The following PLXNA2 variants were observed in gnomAD, a reference collection of about 807,000 sequenced individuals.
PLXNA2 encodes the protein plexin A2.
A neutral mutation model predicts 193.5 loss-of-function variants in PLXNA2; 91 were observed. The ratio of observed to expected loss-of-function variants is 0.47; its 90% CI spans 0.40 to 0.56. PLXNA2 has a LOEUF of 0.56. Ranked by LOEUF, PLXNA2 falls within the 20% of genes least tolerant of loss-of-function variation. PLXNA2 has a pLI of 0.00. For synonymous variants in PLXNA2, 997 were observed against 1,027.3 expected (o/e 0.97, Z 0.56); for missense variants, 1,995 against 2,503.2 (o/e 0.80, Z 4.33).
chr1:208,199,321 T>C (rs528271851), intron 3 of PLXNA2, among the ~76,000 whole-genome samples: 67 of 152,314 alleles, frequency 4.4e-4, no homozygotes, highest in African/African-American at 1.5e-3. Flanking sequence ...AAAAAATCCC[T>C]AGATCAATTT....
Position 208,044,476 on chromosome 1 carries a change from G to C in PLXNA2, c.3874+32C>G. On this transcript the variant is annotated intron_variant, in intron 20 of 31. Transcript: ENST00000367033. This position sits in a 1 kb window ranked among gnomAD's most constrained non-coding sequence, Gnocchi z 4.9. ...GCAATAAGGCAGGTGGAGAAAGAGG[G>C]ACCCAGCAAATGAGGGTGTGCTTCC... is the stretch of plus-strand genomic sequence containing the variant. The C allele has an allele frequency of 6.8e-7, 1 of 1,480,876 alleles. No individual in the cohort carries two copies. The highest frequency in any genetic ancestry group is 9.4e-7 in the Non-Finnish European group (1 of 1,059,162). The allele number at this position is 1,480,876 out of a possible 1,614,324, so 91.7% of individuals were successfully genotyped here. A position where few individuals can be genotyped will look rare whatever the true frequency, so the allele number is the denominator to read the frequency against.
At chr1:208,152,192 G>A (rs371342477) in intron 3 of PLXNA2, among the ~76,000 whole-genome samples, 1 of 152,228 alleles carries the variant, frequency 6.6e-6, no homozygotes, top group Admixed American at 6.5e-5. Flanking sequence ...GGTCGAGAGC[G>A]CTAAGCACCA....
Position 208,217,009 on chromosome 1 carries a change from A to T in PLXNA2, c.914T>A (p.Val305Glu). 4 of 1,611,368 alleles carry T rather than the reference A, an allele frequency of 2.5e-6. No homozygotes were observed. The highest frequency in any genetic ancestry group is 3.4e-6 in the Non-Finnish European group (4 of 1,178,314). Residue 305 changes from valine to glutamate, a missense_variant, in exon 2 of 32, where the codon GTG becomes GAG. Around this residue, in one of 3 missense-constraint regions of PLXNA2, gnomAD observed 702 missense variants for 812.9 expected, o/e 0.86. Coordinates refer to ENST00000367033, the MANE Select transcript of PLXNA2 (RefSeq NM_025179.4). The surrounding 1 kb of genome is among the most constrained non-coding windows in gnomAD (Gnocchi z 4.7). Reference protein sequence around the residue: ...SLPFGCTRAGVEYRLLQAAYL... With the variant: ...SLPFGCTRAGEEYRLLQAAYL... The stretch of plus-strand genomic sequence containing the variant: ...AGCAGCCTGCAGGAGGCGGTATTCC[A>T]CCCCGGCCCGGGTGCAGCCGAAGGG...
chr1:208,209,316 C>T (rs1487789306), intron 3 of PLXNA2, among the ~76,000 whole-genome samples: 5 of 152,206 alleles, frequency 3.3e-5, no homozygotes, highest in African/African-American at 1.2e-4. Flanking sequence ...CATTTCCAAA[C>T]AACATCCCTC....
intron 1 of PLXNA2, among the ~76,000 whole-genome samples, chr1:208,231,247 T>C (rs1671683740): frequency 6.6e-6 from 1 of 151,632 alleles, no homozygotes; most frequent in African/African-American, 2.4e-5. Context: ...GGGCAGGAGA[T>C]GAAAAGTGCT....
At chr1:208,231,971 A>G (rs570952795) in intron 1 of PLXNA2, among the ~76,000 whole-genome samples, 16 of 152,180 alleles carry the variant, frequency 1.1e-4, no homozygotes, top group Admixed American at 9.2e-4. Flanking sequence ...TCCTGTTACT[A>G]CTCTTTGCAA....
intron 12 of PLXNA2, among the ~76,000 whole-genome samples, chr1:208,066,332 C>T (rs1027659076): frequency 1.3e-5 from 2 of 152,212 alleles, no homozygotes; most frequent in African/African-American, 4.8e-5. Context: ...TGTGCTGGCA[C>T]TGCCTGTGTG....
At chr1:208,111,823 T>C (rs924570457) in intron 4 of PLXNA2, among the ~76,000 whole-genome samples, 3 of 152,206 alleles carry the variant, frequency 2.0e-5, no homozygotes, top group African/African-American at 7.2e-5. Flanking sequence ...GCCTCCTGCC[T>C]GTCCTCTGGG....
At chr1:208,047,213 G>A (rs1472619237) in intron 17 of PLXNA2, among the ~76,000 whole-genome samples, 1 of 152,144 alleles carries the variant, frequency 6.6e-6, no homozygotes, top group Non-Finnish European at 1.5e-5. Context: ...CGCCCGCTTC[G>A]GCCTCCCAAA....
rs1422094956 is a variant in PLXNA2 at position 208,051,240 on chromosome 1, C to T, written c.3161+16G>A. On this transcript the variant is annotated intron_variant, in intron 16 of 31. Transcript: ENST00000367033. ...TGGGTGGCTTCCAGGTGCATCCCTC[C>T]CACCTTCCACCTCACCTGGCAATGC... is the stretch of plus-strand genomic sequence containing the variant. 1.2e-6 allele frequency: 2 copies of T among 1,600,346 alleles called. No homozygotes were observed. The highest frequency in any genetic ancestry group is 1.7e-6 in the Non-Finnish European group (2 of 1,171,316).
chr1:208,085,970 A>G (rs1430803598), intron 9 of PLXNA2, among the ~76,000 whole-genome samples: 1 of 151,974 alleles, frequency 6.6e-6, no homozygotes, highest in East Asian at 1.9e-4. Context: ...GTTTTTTTAA[A>G]TCATCACCTT....
chr1:208,112,777 T>C (rs915080879), intron 4 of PLXNA2, among the ~76,000 whole-genome samples: 11 of 152,148 alleles, frequency 7.2e-5, no homozygotes, highest in African/African-American at 2.7e-4. Flanking sequence ...GGAAGTGTGC[T>C]GAAACTCAGG....
At chr1:208,128,104 A>G (rs1422334062) in intron 4 of PLXNA2, among the ~76,000 whole-genome samples, 1 of 152,218 alleles carries the variant, frequency 6.6e-6, no homozygotes, top group Non-Finnish European at 1.5e-5. Context: ...TGACTAGATC[A>G]ACCAGTAAAT....
At chr1:208,046,987 G>C (rs935220010) in intron 17 of PLXNA2, among the ~76,000 whole-genome samples, 4 of 152,126 alleles carry the variant, frequency 2.6e-5, no homozygotes, top group African/African-American at 9.7e-5. Flanking sequence ...TTGAGATGGA[G>C]TCTTGTTCTG....
intron 4 of PLXNA2, among the ~76,000 whole-genome samples, chr1:208,138,683 G>A (rs994038642): frequency 6.6e-6 from 1 of 152,186 alleles, no homozygotes; most frequent in East Asian, 1.9e-4. Context: ...CCAAGAGTTC[G>A]AGACCAGCCT....
chr1:208,049,368 C>T (rs1665180889), intron 17 of PLXNA2, among the ~76,000 whole-genome samples: 2 of 151,000 alleles, frequency 1.3e-5, no homozygotes, highest in Admixed American at 1.3e-4. Context: ...CCATACCTCA[C>T]CCTAGACTCT....
At chr1:208,042,809 CTTAG>C (rs1474898730) in intron 21 of PLXNA2, among the ~76,000 whole-genome samples, 2 of 152,216 alleles carry the variant, frequency 1.3e-5, no homozygotes, top group African/African-American at 2.4e-5. Flanking sequence ...GAGGCAGGAT[CTTAG>C]TTAATTAGTT....
chr1:208,128,695 CTTTTTTT>C (rs34853346), intron 4 of PLXNA2, among the ~76,000 whole-genome samples: 3 of 81,680 alleles, frequency 3.7e-5, no homozygotes, highest in South Asian at 5.3e-4. Context: ...CTGTTTCTTT[CTTTTTTT>C]TTTTTTTTTT....
chr1:208,114,521 A>G (rs1025253582), intron 4 of PLXNA2, among the ~76,000 whole-genome samples: 2 of 152,198 alleles, frequency 1.3e-5, no homozygotes, highest in Non-Finnish European at 2.9e-5. Context: ...ACCAGACTCT[A>G]CCTCTCTGCC....
Sources: gnomAD v4.1 joint callset for allele counts (sites outside exome capture counted in the v4.1 genomes callset) on GRCh38, gnomAD v4.1.1 for gene constraint, gnomAD v4.1.1 regional missense constraint, Gnocchi (gnomAD v3.1) non-coding constraint, MANE v1.5 for transcripts, NCBI Gene and HGNC (gene_info 2026-07-23, HGNC 2026-07-21) for gene names.